Variants in BRINP3 observed in about 807,000 individuals in gnomAD.
BRINP3 encodes the protein BMP/retinoic acid-inducible neural-specific protein 3.
Under a neutral mutation model 71.0 loss-of-function variants are expected in BRINP3, and 19 were observed. The ratio of observed to expected loss-of-function variants is 0.27; its 90% CI spans 0.19 to 0.39. The LOEUF is 0.39. BRINP3 is among the 10% of genes least tolerant of loss of function. The pLI, the probability that BRINP3 is intolerant of heterozygous loss-of-function variation, is 1.00. For missense variants in BRINP3, 959 were observed against 940.8 expected, an observed-to-expected ratio of 1.02 and a Z score of -0.25; for synonymous variants, 380 against 337.7, an observed-to-expected ratio of 1.13 and a Z score of -1.37.
chr1:190,346,918 T>C (rs1021990177), intron 2 of BRINP3, among the ~76,000 whole-genome samples: 1 of 152,150 alleles, frequency 6.6e-6, no homozygotes, highest in African/African-American at 2.4e-5. Flanking sequence ...TATATTTTTA[T>C]GGTTGTTCTC....
chr1:190,326,141 A>T (rs1666565177), intron 2 of BRINP3, among the ~76,000 whole-genome samples: 1 of 152,126 alleles, frequency 6.6e-6, no homozygotes, highest in South Asian at 2.1e-4. Context: ...TTCAAAATAC[A>T]ATTCAAAGCT....
chr1:190,421,981 A>C (rs1673417193), intron 2 of BRINP3, among the ~76,000 whole-genome samples: 2 of 151,802 alleles, frequency 1.3e-5, no homozygotes, highest in Non-Finnish European at 1.5e-5. Flanking sequence ...GTCTCCATCT[A>C]GCACCCATTT....
intron 2 of BRINP3, among the ~76,000 whole-genome samples, chr1:190,315,139 T>C (rs1665795910): frequency 6.6e-6 from 1 of 151,968 alleles, no homozygotes. Context: ...AAGACTTTGA[T>C]AAAATTAAAA....
intron 6 of BRINP3, among the ~76,000 whole-genome samples, chr1:190,192,109 C>T (rs2102577151): frequency 6.6e-6 from 1 of 152,198 alleles, no homozygotes; most frequent in East Asian, 1.9e-4. Context: ...AATACGGGCT[C>T]TGAATGCTTT....
chr1:190,215,990 T>A (rs1656378784), intron 6 of BRINP3, among the ~76,000 whole-genome samples: 1 of 151,540 alleles, frequency 6.6e-6, no homozygotes, highest in Admixed American at 6.6e-5. Flanking sequence ...ATTTCATAAT[T>A]ATAAGTAATG....
intron 6 of BRINP3, among the ~76,000 whole-genome samples, chr1:190,216,566 G>T (rs546110124): frequency 7.6e-4 from 116 of 151,866 alleles, no homozygotes; most frequent in African/African-American, 2.6e-3. Flanking sequence ...ACTTTTATTT[G>T]CAGGCTGTAA....
intron 7 of BRINP3, among the ~76,000 whole-genome samples, chr1:190,119,985 G>A (rs1279992498): frequency 6.6e-6 from 1 of 152,182 alleles, no homozygotes; most frequent in Admixed American, 6.6e-5. Flanking sequence ...AAGTAGTTGA[G>A]TCCATCACAT....
intron 3 of BRINP3, among the ~76,000 whole-genome samples, chr1:190,270,072 G>A (rs751301391): frequency 2.0e-5 from 3 of 151,832 alleles, no homozygotes; most frequent in Non-Finnish European, 2.9e-5. Flanking sequence ...TCATAAAGTG[G>A]ATAAAAATTG....
chr1:190,137,084 TAA>T (rs755324907), intron 7 of BRINP3, among the ~76,000 whole-genome samples: 2 of 152,076 alleles, frequency 1.3e-5, no homozygotes, highest in African/African-American at 2.4e-5. Flanking sequence ...TCTTGCTCAT[TAA>T]GAGACAATAA....
chr1:190,359,640 C>A (rs544213016), intron 2 of BRINP3, among the ~76,000 whole-genome samples: 1 of 152,134 alleles, frequency 6.6e-6, no homozygotes, highest in South Asian at 2.1e-4. Flanking sequence ...AATCTCTGAA[C>A]CTCAAACCTG....
intron 6 of BRINP3, among the ~76,000 whole-genome samples, chr1:190,177,011 T>TC (rs1490958916): frequency 6.6e-6 from 1 of 152,128 alleles, no homozygotes; most frequent in African/African-American, 2.4e-5. Flanking sequence ...GCAAATGGCC[T>TC]CCCTTGCAAG....
At chr1:190,397,376 G>C (rs1460790282) in intron 2 of BRINP3, among the ~76,000 whole-genome samples, 1 of 151,918 alleles carries the variant, frequency 6.6e-6, no homozygotes, top group East Asian at 1.9e-4. Context: ...TATGGCTCCT[G>C]TTCTGCATTT....
chr1:190,429,840 C>T (rs1306216001), intron 2 of BRINP3, among the ~76,000 whole-genome samples: 1 of 152,012 alleles, frequency 6.6e-6, no homozygotes, highest in African/African-American at 2.4e-5. Flanking sequence ...CTGCCCTGCC[C>T]GCCTTGGCCT....
intron 2 of BRINP3, among the ~76,000 whole-genome samples, chr1:190,308,484 G>T (rs1665277845): frequency 6.6e-6 from 1 of 151,322 alleles, no homozygotes; most frequent in African/African-American, 2.4e-5. Context: ...ACACACTGGG[G>T]ACTGTTGTAG....
At chr1:190,205,623 T>C (rs779253716) in intron 6 of BRINP3, among the ~76,000 whole-genome samples, 11 of 152,062 alleles carry the variant, frequency 7.2e-5, no homozygotes, top group Non-Finnish European at 1.3e-4. Context: ...TGGTTACTTA[T>C]GACTCTAAGA....
chr1:190,256,838 GTTTCTGCAGGTAGAACTTCTTTTAGTC>G (rs1660705380), intron 4 of BRINP3, among the ~76,000 whole-genome samples: 1 of 152,182 alleles, frequency 6.6e-6, no homozygotes, highest in Non-Finnish European at 1.5e-5. Context: ...GGCTTGTAGA[GTTTCTGCAGGTAGAACTTCTTTTAGTC>G]TGACGTGCTA....
rs540924560 is a variant in BRINP3 at position 190,294,230 on chromosome 1, A to G, written c.237-12480T>C. ...TGGTTGTCATTAACTTTACAAAAAC[A>G]TCTTATAGCTATCAGAAGTACCTCA... On this transcript the variant is annotated intron_variant, in intron 2 of 7. Coordinates refer to ENST00000367462, the MANE Select transcript of BRINP3 (RefSeq NM_199051.3). 8.0e-5 allele frequency among the ~76,000 whole-genome samples: 12 copies of G among 149,754 alleles called. No individual in the cohort carries two copies. In the South Asian group the frequency reaches 2.1e-3, roughly 26 times the overall value.
intron 2 of BRINP3, among the ~76,000 whole-genome samples, chr1:190,302,391 C>T (rs898306536): frequency 6.6e-6 from 1 of 150,472 alleles, no homozygotes; most frequent in Non-Finnish European, 1.5e-5. Flanking sequence ...ACAAATATAT[C>T]AAAACCCAGT....
intron 2 of BRINP3, among the ~76,000 whole-genome samples, chr1:190,452,745 T>A (rs1675701819): frequency 6.6e-6 from 1 of 152,076 alleles, no homozygotes; most frequent in Admixed American, 6.5e-5. Context: ...TAATCTAAGC[T>A]ACTTGGGAGC....
Sources: gnomAD v4.1 joint callset for allele counts (sites outside exome capture counted in the v4.1 genomes callset) on GRCh38, gnomAD v4.1.1 for gene constraint, MANE v1.5 for transcripts, NCBI Gene and HGNC (gene_info 2026-07-23, HGNC 2026-07-21) for gene names.